TMEM222: variants seen among roughly 807,000 people sequenced by gnomAD.
TMEM222 encodes chromosome 1 open reading frame 160.
A neutral mutation model predicts 25.1 loss-of-function variants in TMEM222; 18 were observed. The ratio of observed to expected loss-of-function variants is 0.72; its 90% CI spans 0.50 to 1.06. The LOEUF (loss-of-function observed/expected upper bound fraction) is 1.06, where lower values mean the gene tolerates loss of function less well. Ranked by LOEUF, TMEM222 falls within the 50% of genes least tolerant of loss-of-function variation. The pLI, the probability that TMEM222 is intolerant of heterozygous loss-of-function variation, is 0.00. For synonymous variants in TMEM222, 131 were observed against 117.9 expected (o/e 1.11, Z -0.72); for missense variants, 296 against 293.7 (o/e 1.01, Z -0.06).
chr1:27,334,443 G>T (rs902705869), intron 5 of TMEM222, 162 bp downstream of exon 5: 104 of 1,286,320 alleles, frequency 8.1e-5, no homozygotes, highest in Non-Finnish European at 1.1e-4. Context: ...AGGGCCTGAT[G>T]GAGAGGGAGG....
chr1:27,330,568 G>A (rs1477293732), intron 1 of TMEM222, 152 bp from the exon 2 acceptor site: 1 of 664,516 alleles, frequency 1.5e-6, no homozygotes, highest in Non-Finnish European at 2.7e-6. Context: ...CCTTGTCTGT[G>A]CTTCCCCAGC....
intron 1 of TMEM222, among the ~76,000 whole-genome samples, chr1:27,324,416 C>G (rs1017209463): frequency 1.3e-5 from 2 of 152,250 alleles, no homozygotes; most frequent in African/African-American, 4.8e-5. Context: ...TTTAGCCTTT[C>G]TTATTCTCAA....
chr1:27,332,264 A>G (rs1259074816), intron 3 of TMEM222, 163 bp downstream of exon 3: 2 of 789,434 alleles, frequency 2.5e-6, no homozygotes, highest in Non-Finnish European at 4.4e-6. Flanking sequence ...AACCCCATAC[A>G]GAGTGTGTAC....
In TMEM222 at chr1:27,333,976, T is replaced by C. The variant is rs528298786; in HGVS notation, c.330T>C (p.Pro110=). The C allele has an allele frequency of 1.9e-6, 3 of 1,614,060 alleles. No homozygotes were observed. Among genetic ancestry groups the C allele is most frequent in the Middle Eastern group, 3.3e-4 (2 of 6,062 alleles). The change falls in exon 4 of 6, where the codon CCT becomes CCC. Residue 110 remains proline, a synonymous_variant. Coordinates refer to ENST00000374076, the MANE Select transcript of TMEM222 (RefSeq NM_032125.3). ...CCCCCAGGTACTGGAAGTTGGACCC[T>C]GCTCAGGTCTATGCTAGCGGGCCCA... is the stretch of plus-strand genomic sequence containing the variant. ...GKPAKYWKLD[P]AQVYASGPNA...
chr1:27,333,208 TTCTG>T (rs1324569138), intron 3 of TMEM222: 2 of 395,166 alleles, frequency 5.1e-6, no homozygotes, highest in African/African-American at 4.2e-5. Flanking sequence ...GTGTTTCTCT[TTCTG>T]CATCCTCCAG....
At chr1:27,332,966 C>T (rs1024438991) in intron 3 of TMEM222, 27 of 284,140 alleles carry the variant, frequency 9.5e-5, no homozygotes, top group Non-Finnish European at 9.8e-5. Flanking sequence ...AGCCAGGGGG[C>T]GCCCTGACCT....
chr1:27,332,657 A>G, intron 3 of TMEM222: 2 of 642,336 alleles, frequency 3.1e-6, no homozygotes, highest in South Asian at 3.5e-5. Context: ...TGCCTCAGTC[A>G]TCAGTGTCCT....
chr1:27,334,659 C>T (rs2014562725), intron 5 of TMEM222: 4 of 1,418,252 alleles, frequency 2.8e-6, no homozygotes, highest in Middle Eastern at 1.9e-4. Context: ...ATAATGACTG[C>T]CCCACAGGTC....
chr1:27,333,430 A>T, intron 3 of TMEM222: 1 of 470,792 alleles, frequency 2.1e-6, no homozygotes, highest in Non-Finnish European at 4.4e-6. Context: ...AAATCTCATC[A>T]ATTGGGTATC....
chr1:27,324,281 G>A (rs1209146431), intron 1 of TMEM222, among the ~76,000 whole-genome samples: 1 of 152,168 alleles, frequency 6.6e-6, no homozygotes, highest in African/African-American at 2.4e-5. Context: ...CCAAGATCGT[G>A]CTTTTGCACT....
At chr1:27,325,440 C>A in intron 1 of TMEM222, 1 of 1,233,300 alleles carries the variant, frequency 8.1e-7, no homozygotes, top group Non-Finnish European at 1.2e-6. Flanking sequence ...GTTCCAGTGT[C>A]CGGAGGCGCT....
At chr1:27,329,282 A>C (rs74503090) in intron 1 of TMEM222, among the ~76,000 whole-genome samples, 20,467 of 151,200 alleles carry the variant, frequency 0.14, 1,534 homozygotes, top group South Asian at 0.19. Flanking sequence ...AGTATACAGC[A>C]GGAAGAATTT....
chr1:27,335,671 C>G lies in TMEM222; in HGVS notation c.*205C>G. ...TCCCTGCCTCTCAGAAGCACCCTGT[C>G]CCCTCCTCCCCAGGCCTGTGACTCC... is the stretch of plus-strand genomic sequence containing the variant. On this transcript the variant is annotated 3_prime_UTR_variant, in exon 6 of 6. Transcript: ENST00000374076. 1.7e-6 allele frequency: 1 copy of G among 597,428 alleles called. No homozygotes were observed. The highest frequency in any genetic ancestry group is 2.0e-5 in the South Asian group (1 of 51,200). 37.0% of individuals were successfully genotyped at this position (597,428 alleles called of 1,614,324 possible). A position where few individuals can be genotyped will look rare whatever the true frequency, so the allele number is the denominator to read the frequency against.
intron 5 of TMEM222, chr1:27,334,964 C>G (rs781686759): frequency 2.9e-6 from 1 of 348,960 alleles, no homozygotes; most frequent in Non-Finnish European, 4.7e-6. Context: ...CCTTGCCAGC[C>G]CCAGAGCTCC....
Position 27,333,899 on chromosome 1 carries a change from C to T in TMEM222, c.312-59C>T, listed in dbSNP as rs75029145. 314 of 1,506,122 alleles carry T rather than the reference C, an allele frequency of 2.1e-4. 2 individuals carry two copies. In the East Asian group the frequency reaches 6.3e-3, roughly 30 times the overall value. 93.3% of individuals were successfully genotyped at this position (1,506,122 alleles called of 1,614,324 possible). On this transcript the variant is annotated intron_variant, in intron 3 of 5. Coordinates refer to ENST00000374076, the MANE Select transcript of TMEM222 (RefSeq NM_032125.3). ...CACAGGGCAGGCCTCAGAGGACGTGCGTAGAGCTGAGGGCACAAAGGAGCC... is the reference window on the plus strand; with the variant it reads ...CACAGGGCAGGCCTCAGAGGACGTGTGTAGAGCTGAGGGCACAAAGGAGCC...
At chr1:27,333,095 A>AG (rs1395216479) in intron 3 of TMEM222, 2 of 334,268 alleles carry the variant, frequency 6.0e-6, no homozygotes, top group Non-Finnish European at 1.2e-5. Context: ...CACCCTGGCA[A>AG]GCTGCCTGGG....
Position 27,335,579 on chromosome 1 carries a change from T to C in TMEM222, c.*113T>C. ...AAAGGCAGGGTTGGGCCTGCTGTTG[T>C]GGACCGGGGGTCGGGGCTGGCAGGA... On this transcript the variant is annotated 3_prime_UTR_variant, in exon 6 of 6. Coordinates refer to ENST00000374076, the MANE Select transcript of TMEM222 (RefSeq NM_032125.3). 1 of 1,057,110 alleles carries C rather than the reference T, an allele frequency of 9.5e-7. No homozygotes were observed. The highest frequency in any genetic ancestry group is 1.4e-6 in the Non-Finnish European group (1 of 708,714). The allele number at this position is 1,057,110 out of a possible 1,614,324, so 65.5% of individuals were successfully genotyped here.
At chr1:27,333,727 A>G in intron 3 of TMEM222, 1 of 571,046 alleles carries the variant, frequency 1.8e-6, no homozygotes, top group South Asian at 2.0e-5. Flanking sequence ...ACAGACTTTC[A>G]GAGCATAGCA....
intron 3 of TMEM222, chr1:27,333,752 C>A (rs1285332961): frequency 3.4e-6 from 2 of 589,218 alleles, no homozygotes; most frequent in East Asian, 5.6e-5. Flanking sequence ...CAATTTCATT[C>A]CATATCCCCC....
Sources: allele counts gnomAD v4.1 joint callset (sites outside exome capture counted in the v4.1 genomes callset), GRCh38; gene constraint gnomAD v4.1.1; transcripts MANE v1.5; gene names NCBI Gene and HGNC (gene_info 2026-07-23, HGNC 2026-07-21).